COL4A6: variants seen among roughly 807,000 people sequenced by gnomAD.
The protein encoded by COL4A6 is collagen alpha-6(IV) chain.
In COL4A6, 59 loss-of-function variants were observed where a neutral mutation model predicts 126.7. That is an observed-to-expected ratio of 0.47 (90% CI 0.38 to 0.58). The LOEUF (loss-of-function observed/expected upper bound fraction) is 0.58, where lower values mean the gene tolerates loss of function less well. COL4A6 is among the 20% of genes least tolerant of loss of function. The pLI, the probability that COL4A6 is intolerant of heterozygous loss-of-function variation, is 0.00. For missense variants in COL4A6, 1,285 were observed against 1,337.3 expected, an observed-to-expected ratio of 0.96 and a Z score of 0.61; for synonymous variants, 547 against 496.6, an observed-to-expected ratio of 1.10 and a Z score of -1.35.
chrX:108,196,653 A>AG (rs1358003739), intron 13 of COL4A6, 74 bp from the exon 14 acceptor site: 3 of 897,184 alleles, frequency 3.3e-6, no homozygotes, highest in Non-Finnish European at 4.7e-6. Flanking sequence ...CAAAGCAAGG[A>AG]GGCTATTTTA....
chrX:108,398,596 C>T (rs1238980358), intron 2 of COL4A6, among the ~76,000 whole-genome samples: 2 of 110,622 alleles, frequency 1.8e-5, no homozygotes, highest in East Asian at 5.6e-4. Context: ...ACTTATGATT[C>T]GTGCACTTTT....
intron 2 of COL4A6, among the ~76,000 whole-genome samples, chrX:108,386,279 C>T (rs1437308274): frequency 8.9e-6 from 1 of 111,777 alleles, no homozygotes; most frequent in Non-Finnish European, 1.9e-5. Context: ...GTTCTAGATC[C>T]CTGAGGAATA....
chrX:108,312,938 A>G (rs996526365), intron 2 of COL4A6, among the ~76,000 whole-genome samples: 1 of 111,742 alleles, frequency 8.9e-6, no homozygotes, highest in Admixed American at 9.5e-5. Context: ...GGAAAAAAAA[A>G]ACAATAGCAG....
At chrX:108,372,396 T>C (rs1238057064) in intron 2 of COL4A6, among the ~76,000 whole-genome samples, 1 of 111,950 alleles carries the variant, frequency 8.9e-6, no homozygotes, top group Non-Finnish European at 1.9e-5. Flanking sequence ...ATTGGGCTGT[T>C]TGCCTTCCTC....
At chrX:108,282,695 A>C (rs774677863) in intron 3 of COL4A6, among the ~76,000 whole-genome samples, 21 of 108,360 alleles carry the variant, frequency 1.9e-4, no homozygotes, top group African/African-American at 5.0e-4. Flanking sequence ...GACACATGCA[A>C]ACGTATGTTT....
At chrX:108,394,328 G>T (rs1297618056) in intron 2 of COL4A6, among the ~76,000 whole-genome samples, 2 of 110,238 alleles carry the variant, frequency 1.8e-5, no homozygotes, top group African/African-American at 6.6e-5. Context: ...TAATGCAGAT[G>T]AGGGGTTGAT....
chrX:108,333,992 A>G (rs192172267), intron 2 of COL4A6, among the ~76,000 whole-genome samples: 1 of 111,736 alleles, frequency 8.9e-6, no homozygotes, highest in East Asian at 2.8e-4. Context: ...TACAAATTCA[A>G]TGCAATTTCT....
chrX:108,302,490 T>C (rs934916259), intron 3 of COL4A6, among the ~76,000 whole-genome samples: 1 of 111,499 alleles, frequency 9.0e-6, no homozygotes, highest in African/African-American at 3.3e-5. Flanking sequence ...ATTTTAGGAG[T>C]AGAAGTGTGA....
chrX:108,361,316 CA>C (rs2040080294), intron 2 of COL4A6, among the ~76,000 whole-genome samples: 1 of 111,204 alleles, frequency 9.0e-6, no homozygotes. Flanking sequence ...TTCCCCAATA[CA>C]AAAGTTATCT....
chrX:108,413,871 C>T (rs193276244), intron 2 of COL4A6, among the ~76,000 whole-genome samples: 15 of 111,864 alleles, frequency 1.3e-4, no homozygotes, highest in African/African-American at 3.9e-4. Context: ...TGGTTCTCAT[C>T]GGTGCAGAGC....
intron 3 of COL4A6, 93 bp downstream of exon 3, chrX:108,310,655 T>C: frequency 7.6e-6 from 6 of 790,424 alleles, no homozygotes; most frequent in East Asian, 3.2e-5. Context: ...CATGAGGTCA[T>C]AAGAGTAAAT....
intron 2 of COL4A6, among the ~76,000 whole-genome samples, chrX:108,422,281 G>A (rs2063994172): frequency 9.0e-6 from 1 of 110,808 alleles, no homozygotes. Context: ...TGAATGGATC[G>A]CTTGAGCCCA....
intron 2 of COL4A6, among the ~76,000 whole-genome samples, chrX:108,397,643 G>GAAAAA (rs55735045): frequency 3.1e-5 from 3 of 97,231 alleles, no homozygotes; most frequent in African/African-American, 1.1e-4. Flanking sequence ...CTAACTCCCT[G>GAAAAA]AAAAAAAAAA....
intron 3 of COL4A6, among the ~76,000 whole-genome samples, chrX:108,280,353 A>G (rs186415129): frequency 1.0e-3 from 113 of 111,873 alleles, no homozygotes; most frequent in African/African-American, 3.6e-3. Context: ...CCATCAGAGA[A>G]TACTACAAAC....
chrX:108,411,224 T>C (rs2041320505), intron 2 of COL4A6, among the ~76,000 whole-genome samples: 1 of 76,922 alleles, frequency 1.3e-5, no homozygotes, highest in Non-Finnish European at 3.0e-5. Flanking sequence ...AGAAATCATG[T>C]CTTTTGTAAG....
At chrX:108,294,408 T>G (rs1234543563) in intron 3 of COL4A6, among the ~76,000 whole-genome samples, 2 of 87,176 alleles carry the variant, frequency 2.3e-5, no homozygotes, top group African/African-American at 9.0e-5. Flanking sequence ...TGTTTTTTTT[T>G]TTTTTGGTGT....
intron 2 of COL4A6, among the ~76,000 whole-genome samples, chrX:108,435,872 G>A (rs189410301): frequency 2.7e-5 from 3 of 111,405 alleles, no homozygotes; most frequent in Non-Finnish European, 3.8e-5. Context: ...AGCTATTTTC[G>A]TTAATATTAG....
chrX:108,405,174 T>TTTTTG (rs1271246657), intron 2 of COL4A6, among the ~76,000 whole-genome samples: 3 of 110,853 alleles, frequency 2.7e-5, no homozygotes, highest in Non-Finnish European at 3.8e-5. Context: ...TCATGGGTTT[T>TTTTTG]TTTTGTTTTG....
chrX:108,362,368 T>C (rs2040107110), intron 2 of COL4A6, among the ~76,000 whole-genome samples: 1 of 111,798 alleles, frequency 8.9e-6, no homozygotes, highest in South Asian at 3.8e-4. Context: ...TGTTAATACA[T>C]GATCATGGGC....
Sources: gnomAD v4.1 joint callset for allele counts (sites outside exome capture counted in the v4.1 genomes callset) on GRCh38, gnomAD v4.1.1 for gene constraint, MANE v1.5 for transcripts, NCBI Gene and HGNC (gene_info 2026-07-23, HGNC 2026-07-21) for gene names.